HS6ST3: variants seen among roughly 807,000 people sequenced by gnomAD.
The protein encoded by HS6ST3 is heparan-sulfate 6-O-sulfotransferase 3.
A neutral mutation model predicts 36.7 loss-of-function variants in HS6ST3; 12 were observed. The ratio of observed to expected loss-of-function variants is 0.33; its 90% CI spans 0.21 to 0.53. The LOEUF (loss-of-function observed/expected upper bound fraction) is 0.53, where lower values mean the gene tolerates loss of function less well. Among genes scored for constraint, HS6ST3 ranks in the 20% least tolerant of loss-of-function variants. HS6ST3 has a pLI of 0.95. For synonymous variants in HS6ST3, 240 were observed against 257.5 expected (o/e 0.93, Z 0.65); for missense variants, 584 against 640.9 (o/e 0.91, Z 0.96).
intron 1 of HS6ST3, among the ~76,000 whole-genome samples, chr13:96,453,310 A>G (rs2055738908): frequency 6.6e-6 from 1 of 152,096 alleles, no homozygotes; most frequent in African/African-American, 2.4e-5. Flanking sequence ...TGTACTCAAT[A>G]AGTAATTTGT....
chr13:96,100,493 G>A (rs944475309), intron 1 of HS6ST3, among the ~76,000 whole-genome samples: 11 of 152,170 alleles, frequency 7.2e-5, no homozygotes. Flanking sequence ...ATGTGAAGAG[G>A]CAAAAGGAGA....
At chr13:96,447,180 CG>C (rs1262381722) in intron 1 of HS6ST3, among the ~76,000 whole-genome samples, 2 of 152,092 alleles carry the variant, frequency 1.3e-5, no homozygotes, top group Admixed American at 1.3e-4. Flanking sequence ...AGCAGCTGAA[CG>C]ATTTCTGGAG....
At chr13:96,361,694 A>C (rs1050785238) in intron 1 of HS6ST3, among the ~76,000 whole-genome samples, 1 of 152,096 alleles carries the variant, frequency 6.6e-6, no homozygotes, top group Non-Finnish European at 1.5e-5. Flanking sequence ...GTGGTAAAAA[A>C]CCTACCAACC....
At chr13:96,296,219 C>G (rs574488982) in intron 1 of HS6ST3, among the ~76,000 whole-genome samples, 2 of 152,198 alleles carry the variant, frequency 1.3e-5, no homozygotes, top group Admixed American at 6.6e-5. Context: ...TTTTAAATAC[C>G]AGACTGACCT....
intron 1 of HS6ST3, among the ~76,000 whole-genome samples, chr13:96,594,967 T>G (rs1036666085): frequency 6.6e-6 from 1 of 152,254 alleles, no homozygotes; most frequent in African/African-American, 2.4e-5. Flanking sequence ...GATTCCATTC[T>G]GAAGGAGAGC....
At chr13:96,227,850 T>C (rs1471804927) in intron 1 of HS6ST3, among the ~76,000 whole-genome samples, 1 of 152,232 alleles carries the variant, frequency 6.6e-6, no homozygotes, top group East Asian at 1.9e-4. Context: ...CCTTCTCTTT[T>C]GAATTCCAGT....
intron 1 of HS6ST3, among the ~76,000 whole-genome samples, chr13:96,146,893 T>C (rs2054060778): frequency 6.6e-6 from 1 of 152,162 alleles, no homozygotes; most frequent in African/African-American, 2.4e-5. Flanking sequence ...AGTTGAACCA[T>C]GGATGAGGCA....
At chr13:96,502,016 T>C (rs781510931) in intron 1 of HS6ST3, among the ~76,000 whole-genome samples, 4 of 152,228 alleles carry the variant, frequency 2.6e-5, no homozygotes, top group Admixed American at 1.3e-4. Context: ...ATATGGGCCA[T>C]AAATTGTATC....
intron 1 of HS6ST3, among the ~76,000 whole-genome samples, chr13:96,742,499 C>T (rs922448126): frequency 6.6e-6 from 1 of 152,010 alleles, no homozygotes. Context: ...ATATACCAGG[C>T]AAATGTTAAC....
At chr13:96,153,507 T>C (rs1488798781) in intron 1 of HS6ST3, among the ~76,000 whole-genome samples, 2 of 152,146 alleles carry the variant, frequency 1.3e-5, no homozygotes, top group Non-Finnish European at 2.9e-5. Context: ...TCATCCCCGC[T>C]ATGTGAAAGG....
At chr13:96,821,633 T>A (rs956949587) in intron 1 of HS6ST3, among the ~76,000 whole-genome samples, 1 of 152,216 alleles carries the variant, frequency 6.6e-6, no homozygotes. Flanking sequence ...CATGGAACAT[T>A]CCATATTTTG....
intron 1 of HS6ST3, among the ~76,000 whole-genome samples, chr13:96,267,808 G>T (rs9556537): frequency 4.0e-5 from 6 of 151,802 alleles, no homozygotes; most frequent in South Asian, 4.1e-4. Flanking sequence ...AGTAGGCAGG[G>T]GAAGGGGCAG....
At chr13:96,130,563 A>G (rs940450243) in intron 1 of HS6ST3, among the ~76,000 whole-genome samples, 2 of 152,210 alleles carry the variant, frequency 1.3e-5, no homozygotes, top group Non-Finnish European at 2.9e-5. Context: ...ATCTCAAGAC[A>G]TGGGGTGAAT....
In HS6ST3 at chr13:96,703,823, G is replaced by A. The variant is rs147565525; in HGVS notation, c.708-128667G>A. 5.9e-5 allele frequency among the ~76,000 whole-genome samples: 9 copies of A among 152,282 alleles called. No homozygotes were observed. The East Asian group carries it at 1.7e-3, about 29-fold the overall frequency. Reference sequence around the variant, plus strand: ...TTATCAAGGGAGGGACCTGGTAGGAGGTAATTGGATCATGGGGGCAGTTTT... The same window carrying A: ...TTATCAAGGGAGGGACCTGGTAGGAAGTAATTGGATCATGGGGGCAGTTTT... On this transcript the variant is annotated intron_variant, in intron 1 of 1. Transcript: ENST00000376705.
At chr13:96,120,662 A>G (rs531624586) in intron 1 of HS6ST3, among the ~76,000 whole-genome samples, 1 of 152,134 alleles carries the variant, frequency 6.6e-6, no homozygotes, top group Non-Finnish European at 1.5e-5. Context: ...TTGAAGAACA[A>G]TGTATTTTAC....
chr13:96,252,827 C>T (rs1230159042), intron 1 of HS6ST3, among the ~76,000 whole-genome samples: 5 of 152,042 alleles, frequency 3.3e-5, no homozygotes, highest in Non-Finnish European at 5.9e-5. Flanking sequence ...CCACCCCCAA[C>T]TCTCCCTTGC....
chr13:96,320,333 T>C (rs1436660641), intron 1 of HS6ST3, among the ~76,000 whole-genome samples: 2 of 152,228 alleles, frequency 1.3e-5, no homozygotes, highest in Non-Finnish European at 2.9e-5. Context: ...GACACCAAAC[T>C]GAACTGTTAG....
chr13:96,285,879 T>A (rs2054799313), intron 1 of HS6ST3, among the ~76,000 whole-genome samples: 1 of 150,982 alleles, frequency 6.6e-6, no homozygotes, highest in Non-Finnish European at 1.5e-5. Context: ...CTCTCTCTTT[T>A]CCTCTCTCTC....
At chr13:96,804,838 AC>A (rs1418194776) in intron 1 of HS6ST3, among the ~76,000 whole-genome samples, 2 of 152,216 alleles carry the variant, frequency 1.3e-5, no homozygotes, top group Admixed American at 6.5e-5. Flanking sequence ...AATTTAGAAC[AC>A]AGGAATTGTT....
Sources: gnomAD v4.1 joint callset for allele counts (sites outside exome capture counted in the v4.1 genomes callset) on GRCh38, gnomAD v4.1.1 for gene constraint, MANE v1.5 for transcripts, NCBI Gene and HGNC (gene_info 2026-07-23, HGNC 2026-07-21) for gene names.